Variants in KCMF1 observed in about 807,000 individuals in gnomAD.
KCMF1 encodes potassium channel modulatory factor 1, also known as E3 ubiquitin-protein ligase KCMF1.
KCMF1 carries 3 observed loss-of-function variants against 41.1 expected under a neutral mutation model. The ratio of observed to expected loss-of-function variants is 0.07; its 90% confidence interval spans 0.03 to 0.19. KCMF1 has a LOEUF of 0.19. Ranked by LOEUF, KCMF1 falls within the 10% of genes least tolerant of loss-of-function variation. KCMF1 has a pLI of 1.00. For synonymous variants in KCMF1, 142 were observed against 164.5 expected (o/e 0.86, Z 1.04); for missense variants, 286 against 488.9 (o/e 0.58, Z 3.91).
At chr2:84,989,690 G>A (rs1196618226) in intron 1 of KCMF1, among the ~76,000 whole-genome samples, 3 of 152,172 alleles carry the variant, frequency 2.0e-5, no homozygotes, top group Admixed American at 1.3e-4. Flanking sequence ...TTTCTGGCTT[G>A]ATTAATTGGG....
chr2:85,036,654 T>C (rs1356055889), intron 3 of KCMF1, among the ~76,000 whole-genome samples: 2 of 151,756 alleles, frequency 1.3e-5, no homozygotes, highest in Non-Finnish European at 2.9e-5. Context: ...TAGCTGGACG[T>C]GGTGGCACAT....
At chr2:85,040,187 A>G (rs1163026079) in intron 3 of KCMF1, among the ~76,000 whole-genome samples, 1 of 152,226 alleles carries the variant, frequency 6.6e-6, no homozygotes, top group Non-Finnish European at 1.5e-5. Context: ...TTAATTGACA[A>G]GTTGTTGTAA....
intron 1 of KCMF1, among the ~76,000 whole-genome samples, chr2:84,978,019 T>TC (rs1378149013): frequency 6.6e-6 from 1 of 151,760 alleles, no homozygotes; most frequent in African/African-American, 2.4e-5. Context: ...TTTTTTTTTT[T>TC]CTTTCCTCGC....
At chr2:85,031,525 A>G (rs977631038) in intron 2 of KCMF1, among the ~76,000 whole-genome samples, 2 of 152,206 alleles carry the variant, frequency 1.3e-5, no homozygotes, top group Non-Finnish European at 2.9e-5. Flanking sequence ...TACATAAAAT[A>G]GGCTTTGTTT....
chr2:85,008,052 C>A (rs1170591305), intron 1 of KCMF1, among the ~76,000 whole-genome samples: 1 of 151,720 alleles, frequency 6.6e-6, no homozygotes, highest in African/African-American at 2.4e-5. Flanking sequence ...CGTGAGCCAC[C>A]GTGCCCAGCC....
intron 1 of KCMF1, among the ~76,000 whole-genome samples, chr2:84,993,942 GTTTTGTTTTGT>G (rs1445657965): frequency 7.4e-6 from 1 of 134,508 alleles, no homozygotes; most frequent in Non-Finnish European, 1.6e-5. Flanking sequence ...GTTTTGTTTT[GTTTTGTTTTGT>G]TTTGTTTTGT....
intron 2 of KCMF1, among the ~76,000 whole-genome samples, chr2:85,030,880 G>A (rs966536595): frequency 2.0e-5 from 3 of 152,254 alleles, no homozygotes; most frequent in Admixed American, 1.3e-4. Context: ...AATTTTTTGT[G>A]GAGATGGGGT....
chr2:84,995,027 A>ATT lies in KCMF1; in HGVS notation c.16+23571_16+23572dup, dbSNP rs55946241. ...CTTTTTCGAAATTTAAATTTTATTA[A>ATT]TTTTTTTTTTTTGAGATGGAGTCTT... On this transcript the variant is annotated intron_variant, in intron 1 of 6. Coordinates refer to ENST00000409785, the MANE Select transcript of KCMF1 (RefSeq NM_020122.5). Among the ~76,000 whole-genome samples, 83 of 147,086 alleles carry ATT rather than the reference A, an allele frequency of 5.6e-4. No homozygotes were observed. The East Asian group carries it at 0.014, about 24-fold the overall frequency.
intron 1 of KCMF1, among the ~76,000 whole-genome samples, chr2:85,002,374 A>G (rs941608747): frequency 6.6e-6 from 1 of 152,226 alleles, no homozygotes; most frequent in Non-Finnish European, 1.5e-5. Context: ...TCAGAGAATC[A>G]TCCTTTGAAC....
At chr2:85,003,060 A>G (rs1674372073) in intron 1 of KCMF1, among the ~76,000 whole-genome samples, 1 of 152,166 alleles carries the variant, frequency 6.6e-6, no homozygotes, top group Non-Finnish European at 1.5e-5. Context: ...ATTTTTAGCA[A>G]CTGCATCTCA....
Position 85,008,934 on chromosome 2 carries a change from C to T in KCMF1, c.17-18955C>T, listed in dbSNP as rs550821452. The stretch of plus-strand genomic sequence containing the variant: ...TTGTAGATAGGAGGTCTTACTATAT[C>T]GCCCTGGTTGGTCTCAAACTCTTGG... On this transcript the variant is annotated intron_variant, in intron 1 of 6. Transcript: ENST00000409785. 2.6e-5 allele frequency among the ~76,000 whole-genome samples: 4 copies of T among 152,074 alleles called. No individual in the cohort carries two copies. In the South Asian group the frequency reaches 6.2e-4, roughly 24 times the overall value.
At chr2:84,986,406 G>A (rs1462170323) in intron 1 of KCMF1, among the ~76,000 whole-genome samples, 2 of 152,240 alleles carry the variant, frequency 1.3e-5, no homozygotes, top group Middle Eastern at 3.4e-3. Flanking sequence ...AAGAAGTATC[G>A]TATTTTTATA....
At chr2:85,001,484 T>G (rs548775397) in intron 1 of KCMF1, among the ~76,000 whole-genome samples, 1 of 152,260 alleles carries the variant, frequency 6.6e-6, no homozygotes, top group African/African-American at 2.4e-5. Flanking sequence ...TTTTAAAGTT[T>G]TGGGTTTTTA....
At chr2:84,974,326 C>T (rs746366588) in intron 1 of KCMF1, among the ~76,000 whole-genome samples, 1 of 152,036 alleles carries the variant, frequency 6.6e-6, no homozygotes, top group Non-Finnish European at 1.5e-5. Context: ...TAATATGTTA[C>T]TTTGTCTTTG....
chr2:84,973,996 T>C (rs1375412079), intron 1 of KCMF1, among the ~76,000 whole-genome samples: 1 of 151,770 alleles, frequency 6.6e-6, no homozygotes, highest in Non-Finnish European at 1.5e-5. Context: ...CCCATCCAAT[T>C]TTTGTATTTT....
intron 1 of KCMF1, among the ~76,000 whole-genome samples, chr2:84,974,675 ATATATATATATATATATTTTTTTTTT>A (rs1673490617): frequency 2.9e-5 from 1 of 34,242 alleles, no homozygotes; most frequent in African/African-American, 1.3e-4. Context: ...ATATATATAT[ATATATATATATATATATTTTTTTTTT>A]TTTTTTTTTT....
chr2:85,008,263 C>CATATATAATATATATGATATATA (rs1674526155), intron 1 of KCMF1, among the ~76,000 whole-genome samples: 1 of 68,830 alleles, frequency 1.5e-5, no homozygotes, highest in African/African-American at 5.6e-5. Context: ...TATTATATAT[C>CATATATAATATATATGATATATA]ATATATAATA....
In KCMF1 at chr2:85,056,260, A is replaced by G. The variant is rs1371264439; in HGVS notation, c.*2851A>G. ...AAGTAGGATAGCAGATTACACTATT[A>G]GAAATAATAGACGTAACAAAAAAAA... On this transcript the variant is annotated 3_prime_UTR_variant, in exon 7 of 7. Coordinates refer to ENST00000409785, the MANE Select transcript of KCMF1 (RefSeq NM_020122.5). 5 of 152,198 alleles carry G rather than the reference A, an allele frequency of 3.3e-5. No individual in the cohort carries two copies. The highest frequency in any genetic ancestry group is 7.4e-5 in the Non-Finnish European group (5 of 68,026). 9.4% of individuals were successfully genotyped at this position (152,198 alleles called of 1,614,324 possible). A position where few individuals can be genotyped will look rare whatever the true frequency, so the allele number is the denominator to read the frequency against.
chr2:85,049,734 T>G, intron 6 of KCMF1, 86 bp downstream of exon 6: 1 of 1,106,642 alleles, frequency 9.0e-7, no homozygotes, highest in Non-Finnish European at 1.3e-6. Flanking sequence ...CTTTTGTGCA[T>G]TATATTTCTT....
Sources: gnomAD v4.1 joint callset for allele counts (sites outside exome capture counted in the v4.1 genomes callset) on GRCh38, gnomAD v4.1.1 for gene constraint, MANE v1.5 for transcripts, NCBI Gene and HGNC (gene_info 2026-07-23, HGNC 2026-07-21) for gene names.